Variants in PLXNB1 observed in about 807,000 individuals in gnomAD.
PLXNB1 encodes the protein plexin-B1.
Under a neutral mutation model 209.4 loss-of-function variants are expected in PLXNB1, and 106 were observed. The ratio of observed to expected loss-of-function variants is 0.51; its 90% CI spans 0.43 to 0.59. PLXNB1 has a LOEUF of 0.59. PLXNB1 is among the 20% of genes least tolerant of loss of function. The pLI is 0.00. For missense variants in PLXNB1, 2,357 were observed against 2,853.2 expected, an observed-to-expected ratio of 0.83 and a Z score of 3.96; for synonymous variants, 1,167 against 1,183.2, an observed-to-expected ratio of 0.99 and a Z score of 0.28.
chr3:48,419,619 G>A lies in PLXNB1; in HGVS notation c.2667C>T (p.Ser889=). 1 of 1,612,548 alleles carries A rather than the reference G, an allele frequency of 6.2e-7. No homozygotes were observed. Among genetic ancestry groups the A allele is most frequent in the Non-Finnish European group, 8.5e-7 (1 of 1,179,852 alleles). ...GGGTGTCATACTGGTAGTCGAGGCT[G>A]GACGGGAGGATGAGGGGGGCGGGAG... ...EGPPAPLILP[S]SLDYQYDTPG... is the part of the protein sequence containing the mutation. Residue 889 remains serine, a synonymous_variant, in exon 11 of 38, where the codon TCC becomes TCT. Coordinates refer to ENST00000296440, the MANE Select transcript of PLXNB1 (RefSeq NM_001130082.3). This position sits in a 1 kb window ranked among gnomAD's most constrained non-coding sequence, Gnocchi z 5.7.
At position 48,409,537 on chromosome 3, in the gene PLXNB1, AC is replaced by A. The variant is rs753962907; in HGVS notation, c.5939+33del. ...GGGGAGGCAGAAGAGAAGACCCCCCACACACACCTAGAGCCCACCCAGCTCC... is the reference window on the plus strand; with the variant it reads ...GGGGAGGCAGAAGAGAAGACCCCCCAACACACCTAGAGCCCACCCAGCTCC... On this transcript the variant is annotated intron_variant, in intron 33 of 37. Transcript: ENST00000296440. This position sits in a 1 kb window ranked among gnomAD's most constrained non-coding sequence, Gnocchi z 5.8. 2.5e-6 allele frequency: 4 copies of A among 1,613,648 alleles called. No homozygotes were observed. Among genetic ancestry groups the A allele is most frequent in the African/African-American group, 2.7e-5 (2 of 74,908 alleles).
At position 48,413,932 on chromosome 3, in the gene PLXNB1, G is replaced by A. The variant is rs749766151; in HGVS notation, c.4349C>T (p.Ala1450Val). 15 of 1,612,396 alleles carry A rather than the reference G, an allele frequency of 9.3e-6. No homozygotes were observed. The East Asian group carries it at 2.7e-4, about 29-fold the overall frequency. ...CAAAGAGTCAGGTGCCTCTCGGAGG[G>A]CATGGTGCCGTGGCAGGGGCTGCTC... Reference protein sequence around the residue: ...PVEQPLPRHHALREAPDSLPE... With the variant: ...PVEQPLPRHHVLREAPDSLPE... Residue 1450 changes from alanine to valine, a missense_variant, in exon 22 of 38, where the codon GCC (alanine) becomes GTC (valine). Physicochemically the swap from Ala to Val is moderately conservative, Grantham distance 64. Coordinates refer to ENST00000296440, the MANE Select transcript of PLXNB1 (RefSeq NM_001130082.3). This position sits in a 1 kb window ranked among gnomAD's most constrained non-coding sequence, Gnocchi z 5.4.
At position 48,416,448 on chromosome 3, in the gene PLXNB1, G is replaced by A. The variant is rs544880690; in HGVS notation, c.3378C>T (p.Leu1126=). Residue 1126 remains leucine, a synonymous_variant, in exon 17 of 38, where the codon CTC becomes CTT. Coordinates refer to ENST00000296440, the MANE Select transcript of PLXNB1 (RefSeq NM_001130082.3). The surrounding 1 kb of genome is among the most constrained non-coding windows in gnomAD (Gnocchi z 4.1). ...DAQEYEVSSS[L]VCITGASGEE... is the part of the protein sequence containing the mutation. ...CCCCACTGGCCCCGGTGATGCACACGAGGCTGTAGGCACAGGGCAGGCTAG... is the reference window on the plus strand; with the variant it reads ...CCCCACTGGCCCCGGTGATGCACACAAGGCTGTAGGCACAGGGCAGGCTAG... 2.2e-5 allele frequency: 36 copies of A among 1,610,774 alleles called. No homozygotes were observed. The highest frequency in any genetic ancestry group is 5.3e-5 in the African/African-American group (4 of 74,996).
Position 48,420,246 on chromosome 3 carries a change from G to T in PLXNB1, c.2040C>A (p.Val680=). Residue 680 remains valine, a synonymous_variant, in exon 11 of 38, where the codon GTC becomes GTA. Coordinates refer to ENST00000296440, the MANE Select transcript of PLXNB1 (RefSeq NM_001130082.3). The part of the protein sequence containing the change: ...PMVASHQSPL[V]SPDPPARGGP... ...CACCTCTTGCAGGAGGGTCTGGGGA[G>T]ACAAGCGGGCTCTGAAGGGGGAGGC... 6.5e-7 allele frequency: 1 copy of T among 1,544,122 alleles called. No individual in the cohort carries two copies. The highest frequency in any genetic ancestry group is 8.7e-7 in the Non-Finnish European group (1 of 1,144,194).
Position 48,406,895 on chromosome 3 carries a change from G to A in PLXNB1, c.6156C>T (p.Tyr2052=). ...GGACAGTCTGTCTGATGTCTGCATA[G>A]TACCTGCCAGAGAGCCAGGGCACAG... ...IPRYKRMVER[Y]YADIRQTVPA... Residue 2052 remains tyrosine (Y), a synonymous_variant, in exon 36 of 38, where the codon TAC becomes TAT. Coordinates refer to ENST00000296440, the MANE Select transcript of PLXNB1 (RefSeq NM_001130082.3). This position sits in a 1 kb window ranked among gnomAD's most constrained non-coding sequence, Gnocchi z 4.4. The A allele has an allele frequency of 6.2e-7, 1 of 1,613,220 alleles. No homozygotes were observed. Among genetic ancestry groups the A allele is most frequent in the South Asian group, 1.1e-5 (1 of 90,936 alleles).
Position 48,412,350 on chromosome 3 carries a change from G to A in PLXNB1, c.5034-46C>T, listed in dbSNP as rs745928610. ...AGTGCCAGGGTCAGCAGGTGGGGCTGCGGGCCTCTCTATCCTGCAGACCCC... is the reference window on the plus strand; with the variant it reads ...AGTGCCAGGGTCAGCAGGTGGGGCTACGGGCCTCTCTATCCTGCAGACCCC... On this transcript the variant is annotated intron_variant, in intron 26 of 37. Transcript: ENST00000296440. 8.7e-6 allele frequency: 14 copies of A among 1,611,846 alleles called. No homozygotes were observed. In the East Asian group the frequency reaches 3.1e-4, roughly 36 times the overall value.
intron 1 of PLXNB1, among the ~76,000 whole-genome samples, chr3:48,427,808 T>G (rs1189848663): frequency 1.3e-5 from 2 of 152,200 alleles, no homozygotes; most frequent in Admixed American, 6.5e-5. Context: ...CCCAGGCTCC[T>G]GAGGAGGCCG....
rs201837306 is a variant in PLXNB1, at chr3:48,420,218, G to C, written c.2068C>G (p.Pro690Ala). 5.1e-6 allele frequency: 8 copies of C among 1,554,702 alleles called. No homozygotes were observed. The East Asian group carries it at 1.2e-4, about 23-fold the overall frequency. The part of the protein sequence containing the change: ...VSPDPPARGG[P>A]SPSPPTAPKA... ...GGGGCTGTGGGTGGGGAGGGGCTGG[G>C]TCCACCTCTTGCAGGAGGGTCTGGG... The change falls in exon 11 of 38, where the codon CCC (proline) becomes GCC (alanine). Residue 690 changes from proline (P) to alanine (A), a missense_variant. This residue lies in a region of PLXNB1 where 214 missense variants were observed against 297.1 expected (regional missense o/e 0.72). Coordinates refer to ENST00000296440, the MANE Select transcript of PLXNB1 (RefSeq NM_001130082.3).
intron 26 of PLXNB1, 35 bp downstream of exon 26, chr3:48,412,407 T>C: frequency 1.9e-6 from 3 of 1,611,910 alleles, no homozygotes; most frequent in Non-Finnish European, 1.7e-6. Flanking sequence ...GCTCCAGCTG[T>C]CCAGGGCCCA....
Position 48,409,800 on chromosome 3 carries a change from C to A in PLXNB1, c.5779-69G>T, listed in dbSNP as rs986339831. 1.7e-5 allele frequency: 26 copies of A among 1,571,648 alleles called. No homozygotes were observed. The highest frequency in any genetic ancestry group is 4.0e-5 in the African/African-American group (3 of 74,126). ...CTCAGCAGCAGCCCAGCCTCAGACA[C>A]CCCCCGGCACTGTGCCTGCACGAGC... is the stretch of plus-strand genomic sequence containing the variant. On this transcript the variant is annotated intron_variant, in intron 32 of 37. Transcript: ENST00000296440. This position sits in a 1 kb window ranked among gnomAD's most constrained non-coding sequence, Gnocchi z 5.8.
chr3:48,415,817 C>A lies in PLXNB1; in HGVS notation c.3618-58G>T. 1 of 1,481,052 alleles carries A rather than the reference C, an allele frequency of 6.8e-7. No individual in the cohort carries two copies. The highest frequency in any genetic ancestry group is 9.1e-7 in the Non-Finnish European group (1 of 1,098,274). The allele number at this position is 1,481,052 out of a possible 1,614,324, so 91.7% of individuals were successfully genotyped here. On this transcript the variant is annotated intron_variant, in intron 18 of 37. Coordinates refer to ENST00000296440, the MANE Select transcript of PLXNB1 (RefSeq NM_001130082.3). This position sits in a 1 kb window ranked among gnomAD's most constrained non-coding sequence, Gnocchi z 5.0. ...GCAGGCAGGGAAAACTTGGACCACT[C>A]AGGCCCCAACTGGCTTCCCTCAAGC...
chr3:48,412,608 G>C lies in PLXNB1; in HGVS notation c.4867C>G (p.Leu1623Val). ...GCTGAAAAGGTGCGCTGGCTCTCCA[G>C]CGTGTGGATGAACTGCAGCCAAAGA... ...KLFLTKFIHTLESQRTFSARD... is the reference protein window; with the variant it reads ...KLFLTKFIHTVESQRTFSARD... The change falls in exon 26 of 38, where the codon CTG (leucine) becomes GTG (valine). Residue 1623 changes from leucine to valine, a missense_variant. This residue lies in a region of PLXNB1 where 743 missense variants were observed against 896.2 expected (regional missense o/e 0.83). Transcript: ENST00000296440. 6.2e-7 allele frequency: 1 copy of C among 1,613,438 alleles called. No homozygotes were observed. Among genetic ancestry groups the C allele is most frequent in the South Asian group, 1.1e-5 (1 of 91,080 alleles).
chr3:48,412,138 TC>T (rs2037724872), intron 27 of PLXNB1, 99 bp downstream of exon 27: 3 of 1,492,478 alleles, frequency 2.0e-6, no homozygotes, highest in Non-Finnish European at 2.8e-6. Flanking sequence ...GAGTCTCTGC[TC>T]TGGCACAAGT....
chr3:48,418,367 G>C lies in PLXNB1; in HGVS notation c.3050-4C>G. On this transcript the variant is annotated splice_polypyrimidine_tract_variant and splice_region_variant and intron_variant, in intron 14 of 37. Coordinates refer to ENST00000296440, the MANE Select transcript of PLXNB1 (RefSeq NM_001130082.3). This position sits in a 1 kb window ranked among gnomAD's most constrained non-coding sequence, Gnocchi z 6.6. Reference sequence around the variant, plus strand: ...ACGGAACAGTCATACAGTACCACTGGGGGTGGCAGAGACACACGTGAGAGG... The same window carrying C: ...ACGGAACAGTCATACAGTACCACTGCGGGTGGCAGAGACACACGTGAGAGG... The C allele has an allele frequency of 6.2e-7, 1 of 1,613,662 alleles. No individual in the cohort carries two copies. Among genetic ancestry groups the C allele is most frequent in the Non-Finnish European group, 8.5e-7 (1 of 1,180,016 alleles).
At chr3:48,425,393 C>T (rs952826170) in intron 1 of PLXNB1, 60 bp from the exon 2 acceptor site, 4 of 152,132 alleles carry the variant, frequency 2.6e-5, no homozygotes, top group African/African-American at 9.7e-5. Context: ...CGTGGAAGCC[C>T]TGGGCTCCCC....
At position 48,415,314 on chromosome 3, in the gene PLXNB1, A is replaced by G. The variant is rs1267681401; in HGVS notation, c.3828T>C (p.Asn1276=). The G allele has an allele frequency of 6.2e-7, 1 of 1,613,556 alleles. No homozygotes were observed. Among genetic ancestry groups the G allele is most frequent in the South Asian group, 1.1e-5 (1 of 91,084 alleles). The change falls in exon 20 of 38, where the codon AAT becomes AAC. Residue 1276 remains asparagine, a synonymous_variant. Transcript: ENST00000296440. This position sits in a 1 kb window ranked among gnomAD's most constrained non-coding sequence, Gnocchi z 5.0. ...TTCTTGGCGTCTGTACCACGTCCAG[A>G]TTCTGGCCACGGACGCATATCTCAC... is the stretch of plus-strand genomic sequence containing the variant. ...GGREICVRGQ[N]LDVVQTPRIR... is the part of the protein sequence containing the mutation.
Position 48,422,160 on chromosome 3 carries a change from C to T in PLXNB1, c.1465G>A (p.Ala489Thr). The T allele has an allele frequency of 1.2e-6, 2 of 1,614,186 alleles. No individual in the cohort carries two copies. Among genetic ancestry groups the T allele is most frequent in the Non-Finnish European group, 1.7e-6 (2 of 1,180,010 alleles). The change falls in exon 6 of 38, where the codon GCA (alanine) becomes ACA (threonine). Residue 489 changes from alanine to threonine, a missense_variant. This residue lies in a region of PLXNB1 where 214 missense variants were observed against 297.1 expected (regional missense o/e 0.72). Coordinates refer to ENST00000296440, the MANE Select transcript of PLXNB1 (RefSeq NM_001130082.3). ...GGGTCCCTGTGAGCAAGGCAAGATGCACAGTCCAGGTGCTGAGCACAGGAA... is the reference window on the plus strand; with the variant it reads ...GGGTCCCTGTGAGCAAGGCAAGATGTACAGTCCAGGTGCTGAGCACAGGAA... ...VASCAQHLDC[A>T]SCLAHRDPYC...
At chr3:48,421,053 G>T in intron 8 of PLXNB1, 97 bp from the exon 9 acceptor site, 2 of 1,269,802 alleles carry the variant, frequency 1.6e-6, no homozygotes, top group South Asian at 2.6e-5. Context: ...AGAGGACCCG[G>T]GATGAGGGAA....
rs532624305 is a variant in PLXNB1 at position 48,418,647 on chromosome 3, G to A, written c.2956-105C>T. 86 of 1,064,192 alleles carry A rather than the reference G, an allele frequency of 8.1e-5. 1 individual carries two copies. In the East Asian group the frequency reaches 1.8e-3, roughly 22 times the overall value. The allele number at this position is 1,064,192 out of a possible 1,614,324, so 65.9% of individuals were successfully genotyped here. A position where few individuals can be genotyped will look rare whatever the true frequency, so the allele number is the denominator to read the frequency against. ...TAAAACGACCAGTTAGGAGCATAGG[G>A]TCAGAGGGACCCCATGGGGCCACAA... is the stretch of plus-strand genomic sequence containing the variant. On this transcript the variant is annotated intron_variant, in intron 13 of 37. Coordinates refer to ENST00000296440, the MANE Select transcript of PLXNB1 (RefSeq NM_001130082.3). This position sits in a 1 kb window ranked among gnomAD's most constrained non-coding sequence, Gnocchi z 6.6.
Sources: gnomAD v4.1 joint callset for allele counts (sites outside exome capture counted in the v4.1 genomes callset) on GRCh38, gnomAD v4.1.1 for gene constraint, gnomAD v4.1.1 regional missense constraint, Gnocchi (gnomAD v3.1) non-coding constraint, MANE v1.5 for transcripts, NCBI Gene and HGNC (gene_info 2026-07-23, HGNC 2026-07-21) for gene names.